LINGO2: variants seen among roughly 807,000 people sequenced by gnomAD.
The protein encoded by LINGO2 is leucine rich repeat and Ig domain containing 2, also known as leucine-rich repeat and immunoglobulin-like domain-containing nogo receptor-interacting protein 2.
Under a neutral mutation model 30.6 loss-of-function variants are expected in LINGO2, and 14 were observed. The observed-to-expected ratio is 0.46, with a 90% CI of 0.30 to 0.72. The LOEUF (loss-of-function observed/expected upper bound fraction) is 0.72. Among genes scored for constraint, LINGO2 ranks in the 30% least tolerant of loss-of-function variants. The pLI is 0.07. For missense variants in LINGO2, 729 were observed against 751.7 expected (o/e 0.97, Z 0.35); for synonymous variants, 317 against 288.5 (o/e 1.10, Z -1.00).
intron 5 of LINGO2, among the ~76,000 whole-genome samples, chr9:27,955,157 G>T (rs1819504882): frequency 6.6e-6 from 1 of 152,094 alleles, no homozygotes; most frequent in Non-Finnish European, 1.5e-5. Context: ...TTAAAAAAAG[G>T]CTCAACTAAG....
chr9:28,764,093 A>C, the LINGO2 span, among the ~76,000 whole-genome samples: 10,789 of 151,710 alleles, frequency 0.071, 1,362 homozygotes, highest in African/African-American at 0.24. Context: ...TTCTACCAAA[A>C]ATCGGAAGAA....
At chr9:28,981,074 C>T in the LINGO2 span, among the ~76,000 whole-genome samples, 1 of 152,086 alleles carries the variant, frequency 6.6e-6, no homozygotes, top group Non-Finnish European at 1.5e-5. Context: ...CAACACTTTG[C>T]TTTTCTTCAA....
At chr9:28,351,483 G>A (rs966421627) in intron 3 of LINGO2, among the ~76,000 whole-genome samples, 161 of 151,476 alleles carry the variant, frequency 1.1e-3, no homozygotes, top group African/African-American at 3.6e-3. Context: ...ACCAATAACA[G>A]GAGCTGAAAT....
chr9:28,067,746 C>G (rs984899243), intron 4 of LINGO2, among the ~76,000 whole-genome samples: 2 of 152,064 alleles, frequency 1.3e-5, no homozygotes, highest in Non-Finnish European at 2.9e-5. Context: ...ATGCTGCTAC[C>G]GATAATATCT....
At chr9:28,712,248 T>G in the LINGO2 span, among the ~76,000 whole-genome samples, 1 of 152,244 alleles carries the variant, frequency 6.6e-6, no homozygotes, top group East Asian at 1.9e-4. Context: ...TAAACGTTTT[T>G]GACCCTTTAA....
At chr9:28,445,566 A>AT (rs201069931) in intron 2 of LINGO2, among the ~76,000 whole-genome samples, 4 of 151,944 alleles carry the variant, frequency 2.6e-5, no homozygotes, top group East Asian at 3.9e-4. Flanking sequence ...TAAAATTGTT[A>AT]TTTTTTTTAC....
At chr9:28,673,694 CATCATCATCATA>C (rs1027441094), upstream of LINGO2, among the ~76,000 whole-genome samples, 2 of 151,756 alleles carry the variant, frequency 1.3e-5, no homozygotes, top group African/African-American at 4.8e-5. Flanking sequence ...TCATCATCAT[CATCATCATCATA>C]AATATTGTTC....
intron 5 of LINGO2, among the ~76,000 whole-genome samples, chr9:27,981,548 A>G (rs1563878752): frequency 3.3e-5 from 4 of 120,710 alleles, no homozygotes; most frequent in African/African-American, 1.2e-4. Context: ...AAAAAAAAAA[A>G]AAGAAAAAAA....
chr9:29,152,203 T>C, the LINGO2 span, among the ~76,000 whole-genome samples: 1 of 152,186 alleles, frequency 6.6e-6, no homozygotes, highest in Non-Finnish European at 1.5e-5. Flanking sequence ...GGAACACTTA[T>C]ACATTGTTTG....
chr9:28,224,676 C>T (rs1193862026), intron 4 of LINGO2, among the ~76,000 whole-genome samples: 2 of 152,054 alleles, frequency 1.3e-5, no homozygotes, highest in South Asian at 2.1e-4. Flanking sequence ...CCTTCCTGGC[C>T]TCTGATAACC....
intron 1 of LINGO2, among the ~76,000 whole-genome samples, chr9:28,553,648 C>T (rs976361997): frequency 3.6e-4 from 54 of 151,870 alleles, no homozygotes; most frequent in African/African-American, 1.2e-3. Context: ...ATACAGAGAA[C>T]GCCACAAAGA....
At chr9:28,615,400 A>T (rs779412975) in intron 1 of LINGO2, among the ~76,000 whole-genome samples, 54 of 152,190 alleles carry the variant, frequency 3.5e-4, no homozygotes, top group Non-Finnish European at 6.8e-4. Context: ...GTATAGCAGA[A>T]AAAGGGCTGC....
intron 4 of LINGO2, among the ~76,000 whole-genome samples, chr9:28,212,712 A>C (rs1183825132): frequency 6.6e-6 from 1 of 151,414 alleles, no homozygotes; most frequent in African/African-American, 2.4e-5. Context: ...AAATTAAATA[A>C]AATTTAAAAA....
At chr9:28,278,490 A>C (rs756934244) in intron 4 of LINGO2, among the ~76,000 whole-genome samples, 6 of 152,160 alleles carry the variant, frequency 3.9e-5, no homozygotes, top group Non-Finnish European at 7.3e-5. Flanking sequence ...GTTGAAGCCA[A>C]TGCTCCTTTA....
intron 1 of LINGO2, among the ~76,000 whole-genome samples, chr9:28,626,282 G>T (rs1282364799): frequency 6.6e-6 from 1 of 151,896 alleles, no homozygotes; most frequent in East Asian, 1.9e-4. Flanking sequence ...TCTTCATATT[G>T]TTGAGTTGTA....
chr9:28,816,292 G>C, the LINGO2 span, among the ~76,000 whole-genome samples: 2 of 152,290 alleles, frequency 1.3e-5, no homozygotes, highest in African/African-American at 4.8e-5. Context: ...TAAATGAAAA[G>C]ATTGCTTTTC....
chr9:28,698,083 G>A, the LINGO2 span, among the ~76,000 whole-genome samples: 7 of 152,142 alleles, frequency 4.6e-5, no homozygotes, highest in South Asian at 1.5e-3. Context: ...CTCATAAGCT[G>A]ATATTGGCAA....
At chr9:28,357,314 A>ATCC (rs1820250359) in intron 3 of LINGO2, among the ~76,000 whole-genome samples, 1 of 42,176 alleles carries the variant, frequency 2.4e-5, no homozygotes, top group African/African-American at 1.3e-4. Context: ...ACAGAAATAA[A>ATCC]GCCCACCCCC....
At chr9:28,783,969 T>C in the LINGO2 span, among the ~76,000 whole-genome samples, 1 of 152,114 alleles carries the variant, frequency 6.6e-6, no homozygotes. Flanking sequence ...AAGACACTAA[T>C]CCCATTCATG....
Sources: allele counts gnomAD v4.1 joint callset (sites outside exome capture counted in the v4.1 genomes callset), GRCh38; gene constraint gnomAD v4.1.1; transcripts MANE v1.5; gene names NCBI Gene and HGNC (gene_info 2026-07-23, HGNC 2026-07-21).